The following INTS4 variants were observed in gnomAD, a reference collection of about 807,000 sequenced individuals.
INTS4 encodes the protein MSTP093.
INTS4 carries 70 observed loss-of-function variants against 119.5 expected under a neutral mutation model. The ratio of observed to expected loss-of-function variants is 0.59; its 90% CI spans 0.48 to 0.71. The LOEUF (loss-of-function observed/expected upper bound fraction) is 0.71, where lower values mean the gene tolerates loss of function less well. Among genes scored for constraint, INTS4 ranks in the 30% least tolerant of loss-of-function variants. INTS4 has a pLI of 0.00. For missense variants in INTS4, 867 were observed against 1,173.2 expected, an observed-to-expected ratio of 0.74 and a Z score of 3.81; for synonymous variants, 316 against 419.6, an observed-to-expected ratio of 0.75 and a Z score of 3.02.
chr11:77,906,572 T>C (rs907524335), intron 16 of INTS4, among the ~76,000 whole-genome samples: 3 of 152,200 alleles, frequency 2.0e-5, no homozygotes, highest in Non-Finnish European at 4.4e-5. Context: ...CTTGGAGTGA[T>C]GAAAATGTTC....
intron 22 of INTS4, among the ~76,000 whole-genome samples, chr11:77,880,882 C>A (rs1393994060): frequency 1.3e-5 from 2 of 152,120 alleles, no homozygotes; most frequent in South Asian, 4.1e-4. Flanking sequence ...GAGGATCACA[C>A]CACTGCACTC....
chr11:77,929,016 T>C (rs1190956350), intron 10 of INTS4, among the ~76,000 whole-genome samples: 5 of 139,586 alleles, frequency 3.6e-5, no homozygotes, highest in African/African-American at 1.3e-4. Flanking sequence ...TGGGCCCCTG[T>C]CTCAAAAAAA....
At chr11:77,941,003 A>G (rs1953917181) in intron 9 of INTS4, among the ~76,000 whole-genome samples, 177 bp downstream of exon 9, 1 of 152,240 alleles carries the variant, frequency 6.6e-6, no homozygotes. Context: ...CAATAATACA[A>G]AATTTAATGA....
intron 22 of INTS4, among the ~76,000 whole-genome samples, chr11:77,881,363 T>C (rs765705733): frequency 5.9e-5 from 9 of 152,108 alleles, no homozygotes; most frequent in African/African-American, 1.7e-4. Flanking sequence ...TACTGAGGGA[T>C]TGAAGGAGCT....
chr11:77,953,465 C>T (rs1005803736), intron 8 of INTS4, among the ~76,000 whole-genome samples: 1 of 152,144 alleles, frequency 6.6e-6, no homozygotes, highest in African/African-American at 2.4e-5. Context: ...TAGAACCCCA[C>T]TTAACAGATG....
At chr11:77,970,251 T>C (rs935865027) in intron 4 of INTS4, among the ~76,000 whole-genome samples, 2 of 151,680 alleles carry the variant, frequency 1.3e-5, no homozygotes, top group Non-Finnish European at 2.9e-5. Context: ...ACAAAAAAAT[T>C]AGCCAGGCGT....
chr11:77,878,694 C>T, downstream of INTS4: 2 of 688,804 alleles, frequency 2.9e-6, no homozygotes, highest in Non-Finnish European at 5.2e-6. Context: ...ACACGCATTT[C>T]TTTACAGACC....
At chr11:77,965,694 A>G (rs1855473205) in intron 4 of INTS4, among the ~76,000 whole-genome samples, 1 of 152,228 alleles carries the variant, frequency 6.6e-6, no homozygotes, top group Non-Finnish European at 1.5e-5. Flanking sequence ...ATTCCATTGC[A>G]TGTTATACAC....
At chr11:77,954,768 T>C (rs1954277585) in intron 8 of INTS4, among the ~76,000 whole-genome samples, 1 of 152,198 alleles carries the variant, frequency 6.6e-6, no homozygotes, top group Non-Finnish European at 1.5e-5. Context: ...GCTCAGGCAG[T>C]AATACTTGCT....
chr11:77,911,927 C>G (rs1483296329), intron 15 of INTS4, among the ~76,000 whole-genome samples: 1 of 152,206 alleles, frequency 6.6e-6, no homozygotes, highest in Admixed American at 6.5e-5. Flanking sequence ...CAAAACAGGA[C>G]ATGAACTAGA....
At chr11:77,911,361 C>T (rs1402855545) in intron 15 of INTS4, among the ~76,000 whole-genome samples, 2 of 152,146 alleles carry the variant, frequency 1.3e-5, no homozygotes, top group African/African-American at 2.4e-5. Flanking sequence ...CTCTTCCTTT[C>T]GCTTCTCTGA....
intron 15 of INTS4, among the ~76,000 whole-genome samples, chr11:77,914,359 C>T (rs1186784995): frequency 6.6e-6 from 1 of 152,202 alleles, no homozygotes; most frequent in Non-Finnish European, 1.5e-5. Context: ...TTAGTGCCAA[C>T]AGGATAAAAC....
chr11:77,892,117 A>G (rs1368299044), intron 19 of INTS4, among the ~76,000 whole-genome samples: 1 of 152,218 alleles, frequency 6.6e-6, no homozygotes, highest in Non-Finnish European at 1.5e-5. Context: ...GCATCATTAG[A>G]ATTTTTATTT....
At chr11:77,936,550 T>C (rs1477474396) in intron 10 of INTS4, among the ~76,000 whole-genome samples, 1 of 152,160 alleles carries the variant, frequency 6.6e-6, no homozygotes, top group Non-Finnish European at 1.5e-5. Context: ...GTCTGGCTAA[T>C]TTTAAATTTT....
At chr11:77,933,502 A>C (rs944819734) in intron 10 of INTS4, among the ~76,000 whole-genome samples, 3 of 152,226 alleles carry the variant, frequency 2.0e-5, no homozygotes, top group Non-Finnish European at 4.4e-5. Flanking sequence ...CTGGGATTGC[A>C]GACGGAGTCT....
At chr11:77,939,834 G>A (rs1157610053) in intron 9 of INTS4, among the ~76,000 whole-genome samples, 4 of 149,576 alleles carry the variant, frequency 2.7e-5, no homozygotes, top group African/African-American at 9.9e-5. Context: ...GACAGAGCGA[G>A]ACCCTGTCTC....
chr11:77,912,390 C>T (rs1953110101), intron 15 of INTS4, among the ~76,000 whole-genome samples: 1 of 151,670 alleles, frequency 6.6e-6, no homozygotes, highest in Admixed American at 6.6e-5. Context: ...GCTGGATACA[C>T]TGGGCCACTT....
At chr11:77,933,898 A>C (rs1281541292) in intron 10 of INTS4, among the ~76,000 whole-genome samples, 2 of 152,178 alleles carry the variant, frequency 1.3e-5, no homozygotes, top group East Asian at 1.9e-4. Flanking sequence ...AGGTGTGCCC[A>C]GCAGCTCATT....
At chr11:77,886,789 G>A (rs1952032254) in intron 21 of INTS4, among the ~76,000 whole-genome samples, 1 of 152,128 alleles carries the variant, frequency 6.6e-6, no homozygotes, top group African/African-American at 2.4e-5. Flanking sequence ...GCCTTGCTAA[G>A]AAACTCACTC....
Sources: allele counts gnomAD v4.1 joint callset (sites outside exome capture counted in the v4.1 genomes callset), GRCh38; gene constraint gnomAD v4.1.1; transcripts MANE v1.5; gene names NCBI Gene and HGNC (gene_info 2026-07-23, HGNC 2026-07-21).